Variants in PCDH15 observed in about 807,000 individuals in gnomAD.
The protein encoded by PCDH15 is protocadherin related 15.
Under a neutral mutation model 178.5 loss-of-function variants are expected in PCDH15, and 129 were observed. The observed-to-expected ratio is 0.72, with a 90% confidence interval of 0.63 to 0.84. The LOEUF (loss-of-function observed/expected upper bound fraction) is 0.84. Ranked by LOEUF, PCDH15 falls within the 40% of genes least tolerant of loss-of-function variation. The pLI, the probability that PCDH15 is intolerant of heterozygous loss-of-function variation, is 0.00. For synonymous variants in PCDH15, 800 were observed against 732.0 expected, an observed-to-expected ratio of 1.09 and a Z score of -1.50; for missense variants, 2,230 against 2,099.9, an observed-to-expected ratio of 1.06 and a Z score of -1.21.
At chr10:54,690,800 G>T (rs1436199900) in intron 1 of PCDH15, among the ~76,000 whole-genome samples, 1 of 151,912 alleles carries the variant, frequency 6.6e-6, no homozygotes, top group Non-Finnish European at 1.5e-5. Flanking sequence ...TATTATATTT[G>T]AAACTGTTTA....
intron 1 of PCDH15, among the ~76,000 whole-genome samples, chr10:54,754,562 A>C (rs915265049): frequency 2.0e-5 from 3 of 152,158 alleles, no homozygotes; most frequent in Non-Finnish European, 4.4e-5. Context: ...TACAGAAATA[A>C]ATTTTCACTA....
chr10:54,963,660 C>T (rs1298259315), intron 2 of PCDH15, among the ~76,000 whole-genome samples: 3 of 152,184 alleles, frequency 2.0e-5, no homozygotes, highest in Admixed American at 6.5e-5. Context: ...CACCATTTTG[C>T]AAGATCCTAA....
At chr10:54,412,257 T>C (rs1463401052) in intron 3 of PCDH15, among the ~76,000 whole-genome samples, 1 of 149,028 alleles carries the variant, frequency 6.7e-6, no homozygotes, top group Admixed American at 6.7e-5. Flanking sequence ...TATTTATATT[T>C]TAATATATAT....
chr10:54,453,116 A>G (rs191159581), intron 3 of PCDH15, among the ~76,000 whole-genome samples: 8 of 152,234 alleles, frequency 5.3e-5, no homozygotes, highest in Admixed American at 5.2e-4. Flanking sequence ...AGGGATCTAG[A>G]ACTAGAAATA....
At chr10:54,541,857 T>G (rs1027492957) in intron 2 of PCDH15, among the ~76,000 whole-genome samples, 35 of 152,292 alleles carry the variant, frequency 2.3e-4, no homozygotes, top group African/African-American at 7.9e-4. Context: ...AGATAAAAGC[T>G]GCAGAATCAA....
chr10:54,165,749 C>A (rs1226971277), intron 13 of PCDH15, among the ~76,000 whole-genome samples: 1 of 152,148 alleles, frequency 6.6e-6, no homozygotes, highest in African/African-American at 2.4e-5. Context: ...AATGCCAAAT[C>A]TAAACTACTC....
intron 2 of PCDH15, among the ~76,000 whole-genome samples, chr10:55,556,110 T>A (rs1031861316): frequency 6.6e-6 from 1 of 152,170 alleles, no homozygotes; most frequent in African/African-American, 2.4e-5. Context: ...AGCTCTAGAT[T>A]ATTAATTTTT....
chr10:54,213,987 G>C lies in PCDH15; in HGVS notation c.1047C>G (p.Leu349=). The change falls in exon 10 of 38, where the codon CTC becomes CTG. Residue 349 remains leucine, a synonymous_variant. Coordinates refer to ENST00000644397, the MANE Select transcript of PCDH15 (RefSeq NM_001384140.1). ...GAAAGTCTCTGTTTACTGGCTCCAG[G>C]AGACTAAGTTCTGCTGTCCTAGGAT... ...HMHPRTAELS[L]LEPVNRDFHQ... is the part of the protein sequence containing the mutation. 3 of 1,612,224 alleles carry C rather than the reference G, an allele frequency of 1.9e-6. No homozygotes were observed. The highest frequency in any genetic ancestry group is 2.5e-6 in the Non-Finnish European group (3 of 1,178,520).
chr10:53,908,900 C>G (rs1199289624), intron 25 of PCDH15, among the ~76,000 whole-genome samples: 1 of 152,164 alleles, frequency 6.6e-6, no homozygotes, highest in Non-Finnish European at 1.5e-5. Flanking sequence ...AGATTGAAGT[C>G]AGTTCCTCAC....
intron 2 of PCDH15, among the ~76,000 whole-genome samples, chr10:54,927,683 AAGTAATG>A (rs1187968394): frequency 6.6e-6 from 1 of 152,104 alleles, no homozygotes; most frequent in Admixed American, 6.6e-5. Flanking sequence ...CTTTACCATT[AAGTAATG>A]CCCTTTTTTG....
chr10:54,586,754 A>T (rs2091495902), intron 2 of PCDH15, among the ~76,000 whole-genome samples: 1 of 152,146 alleles, frequency 6.6e-6, no homozygotes, highest in Non-Finnish European at 1.5e-5. Flanking sequence ...TCATCCTTCT[A>T]AAGTGCTGGG....
At chr10:54,737,146 C>G (rs887568973) in intron 1 of PCDH15, among the ~76,000 whole-genome samples, 1 of 152,056 alleles carries the variant, frequency 6.6e-6, no homozygotes, top group South Asian at 2.1e-4. Flanking sequence ...GATGTTAGAC[C>G]TGCCGGGTGC....
chr10:54,235,344 G>A (rs2054520459), intron 9 of PCDH15, among the ~76,000 whole-genome samples: 1 of 152,102 alleles, frequency 6.6e-6, no homozygotes, highest in South Asian at 2.1e-4. Context: ...TGCTTCACAG[G>A]GTAGGTGATC....
chr10:53,855,985 C>A (rs1242934500), intron 28 of PCDH15, among the ~76,000 whole-genome samples: 3 of 146,238 alleles, frequency 2.1e-5, no homozygotes, highest in East Asian at 4.6e-4. Context: ...ATGGCATTTG[C>A]CATTATTGGA....
intron 1 of PCDH15, among the ~76,000 whole-genome samples, chr10:55,204,775 G>C (rs1160581183): frequency 6.6e-6 from 1 of 151,990 alleles, no homozygotes; most frequent in Non-Finnish European, 1.5e-5. Context: ...GACTGTCATA[G>C]CTATCATTCT....
chr10:55,188,799 TTTC>T (rs1420921138), intron 1 of PCDH15, among the ~76,000 whole-genome samples: 138 of 151,994 alleles, frequency 9.1e-4, no homozygotes, highest in African/African-American at 3.1e-3. Flanking sequence ...TGTAAACTAA[TTTC>T]TTATTATTTC....
At chr10:54,055,564 T>C (rs1253203184) in intron 18 of PCDH15, among the ~76,000 whole-genome samples, 1 of 152,188 alleles carries the variant, frequency 6.6e-6, no homozygotes, top group Non-Finnish European at 1.5e-5. Context: ...AATTTAGTCC[T>C]TAAACTTGAG....
At chr10:54,554,719 C>A (rs1035407447) in intron 2 of PCDH15, among the ~76,000 whole-genome samples, 1 of 151,884 alleles carries the variant, frequency 6.6e-6, no homozygotes, top group Non-Finnish European at 1.5e-5. Flanking sequence ...GGACCTAAAC[C>A]CTCTCATCAT....
intron 4 of PCDH15, 72 bp downstream of exon 4, chr10:54,378,710 T>C (rs1948799242): frequency 6.7e-7 from 1 of 1,495,454 alleles, no homozygotes; most frequent in Non-Finnish European, 9.2e-7. Flanking sequence ...TTCAATATCA[T>C]ATAAACACAC....
Sources: gnomAD v4.1 joint callset for allele counts (sites outside exome capture counted in the v4.1 genomes callset) on GRCh38, gnomAD v4.1.1 for gene constraint, MANE v1.5 for transcripts, NCBI Gene and HGNC (gene_info 2026-07-23, HGNC 2026-07-21) for gene names.